GALNT17: variants seen among roughly 807,000 people sequenced by gnomAD.
GALNT17 encodes UDP-GalNAc:polypeptide N-acetylgalactosaminyltransferase-like 3.
A neutral mutation model predicts 63.7 loss-of-function variants in GALNT17; 29 were observed. The ratio of observed to expected loss-of-function variants is 0.46; its 90% CI spans 0.34 to 0.62. The LOEUF (loss-of-function observed/expected upper bound fraction) is 0.62, where lower values mean the gene tolerates loss of function less well. Ranked by LOEUF, GALNT17 falls within the 20% of genes least tolerant of loss-of-function variation. GALNT17 has a pLI of 0.01. For missense variants in GALNT17, 603 were observed against 799.6 expected (o/e 0.75, Z 2.97); for synonymous variants, 305 against 318.3 (o/e 0.96, Z 0.45).
At chr7:71,669,457 G>A (rs1033878305) in intron 7 of GALNT17, among the ~76,000 whole-genome samples, 5 of 151,876 alleles carry the variant, frequency 3.3e-5, no homozygotes, top group Admixed American at 1.3e-4. Context: ...GTTGCAGTGA[G>A]ATGAGATCGT....
intron 6 of GALNT17, among the ~76,000 whole-genome samples, chr7:71,619,177 C>T (rs967911019): frequency 5.3e-5 from 8 of 152,086 alleles, no homozygotes; most frequent in Admixed American, 5.2e-4. Context: ...TAGTACCAAG[C>T]TGGTTTGACT....
At chr7:71,189,258 C>G (rs1788907241) in intron 1 of GALNT17, among the ~76,000 whole-genome samples, 1 of 152,144 alleles carries the variant, frequency 6.6e-6, no homozygotes, top group Admixed American at 6.5e-5. Flanking sequence ...GTAAGATGTG[C>G]CTTTCACCTT....
chr7:71,335,572 C>G lies in GALNT17; in HGVS notation c.261C>G (p.Leu87=). Residue 87 remains leucine (L), a synonymous_variant, in exon 2 of 11, where the codon CTC becomes CTG. Transcript: ENST00000333538. ...TAGGCTTATCCAAATCCCTTGGGCT[C>G]ATTGAAGGTTATGGTGGGCGGGGTA... is the stretch of plus-strand genomic sequence containing the variant. The part of the protein sequence containing the change: ...QLNGLSKSLG[L]IEGYGGRGKG... The G allele has an allele frequency of 1.2e-6, 2 of 1,604,410 alleles. No individual in the cohort carries two copies. The highest frequency in any genetic ancestry group is 1.7e-6 in the Non-Finnish European group (2 of 1,176,400).
At chr7:71,430,390 C>T (rs991729937) in intron 5 of GALNT17, among the ~76,000 whole-genome samples, 1 of 152,164 alleles carries the variant, frequency 6.6e-6, no homozygotes, top group Non-Finnish European at 1.5e-5. Flanking sequence ...AACTGCTGAT[C>T]TGTACACTTC....
At chr7:71,610,747 A>C (rs1278087883) in intron 6 of GALNT17, among the ~76,000 whole-genome samples, 1 of 152,060 alleles carries the variant, frequency 6.6e-6, no homozygotes, top group African/African-American at 2.4e-5. Context: ...GCACTTTGGG[A>C]GGCTGAGGTG....
intron 1 of GALNT17, 129 bp from the exon 2 acceptor site, chr7:71,335,421 T>G (rs13240200): frequency 0.38 from 353,869 of 931,542 alleles, 70,761 homozygotes; most frequent in Non-Finnish European, 0.4. Context: ...CTGAGTTGGA[T>G]AAATTGAGGA....
intron 1 of GALNT17, among the ~76,000 whole-genome samples, chr7:71,268,589 A>AAATG (rs1491152268): frequency 6.6e-6 from 1 of 151,000 alleles, no homozygotes; most frequent in African/African-American, 2.4e-5. Flanking sequence ...ATAAATAAAT[A>AAATG]AATATTAAAA....
At chr7:71,445,115 A>T (rs777309717) in intron 5 of GALNT17, among the ~76,000 whole-genome samples, 3 of 151,524 alleles carry the variant, frequency 2.0e-5, no homozygotes, top group Non-Finnish European at 4.4e-5. Context: ...TCACCCAGTC[A>T]CATGGGATGG....
chr7:71,698,291 A>G lies in GALNT17; in HGVS notation c.1501-12470A>G, dbSNP rs1463677845. ...AACTTCTAAAGAATGTACTGTAGGA[A>G]AAAGGAAAATGACTGCAGAAGGATG... On this transcript the variant is annotated intron_variant, in intron 9 of 10. Coordinates refer to ENST00000333538, the MANE Select transcript of GALNT17 (RefSeq NM_022479.3). Among the ~76,000 whole-genome samples the G allele has an allele frequency of 2.6e-5, 4 of 152,272 alleles. No homozygotes were observed. The East Asian group carries it at 7.7e-4, about 29-fold the overall frequency.
At chr7:71,689,243 A>G (rs992813938) in intron 9 of GALNT17, among the ~76,000 whole-genome samples, 8 of 152,152 alleles carry the variant, frequency 5.3e-5, no homozygotes, top group African/African-American at 9.7e-5. Context: ...CAGCCCTATA[A>G]TGGCCTCTAA....
intron 5 of GALNT17, among the ~76,000 whole-genome samples, chr7:71,503,804 C>A (rs571200890): frequency 1.3e-5 from 2 of 152,152 alleles, no homozygotes; most frequent in South Asian, 2.1e-4. Context: ...TACATAAATA[C>A]GTTAATAAGG....
chr7:71,600,466 C>T (rs1018319967), intron 6 of GALNT17, among the ~76,000 whole-genome samples: 2 of 152,096 alleles, frequency 1.3e-5, no homozygotes, highest in Non-Finnish European at 2.9e-5. Context: ...TGACACCTAA[C>T]TGTAATCATT....
intron 1 of GALNT17, among the ~76,000 whole-genome samples, chr7:71,302,690 A>G (rs1238138296): frequency 6.6e-6 from 1 of 152,126 alleles, no homozygotes; most frequent in East Asian, 1.9e-4. Flanking sequence ...GGTCTTATTC[A>G]TTATTTTCAG....
intron 5 of GALNT17, among the ~76,000 whole-genome samples, chr7:71,526,136 A>G (rs1309786546): frequency 6.6e-6 from 1 of 152,184 alleles, no homozygotes; most frequent in Non-Finnish European, 1.5e-5. Flanking sequence ...TGCCAGCCAC[A>G]AGTTCTTTTT....
rs1460713529 is a variant in GALNT17 at position 71,712,187 on chromosome 7, T to C, written c.*41T>C. 6.3e-7 allele frequency: 1 copy of C among 1,594,796 alleles called. No individual in the cohort carries two copies. The highest frequency in any genetic ancestry group is 8.5e-7 in the Non-Finnish European group (1 of 1,170,272). On this transcript the variant is annotated 3_prime_UTR_variant, in exon 11 of 11. Coordinates refer to ENST00000333538, the MANE Select transcript of GALNT17 (RefSeq NM_022479.3). The stretch of plus-strand genomic sequence containing the variant: ...GCACTGGAGCCTGGCCCCCAGGACA[T>C]GGCTGCTCCCCCCAACATCTGGACC...
chr7:71,704,865 C>G lies in GALNT17; in HGVS notation c.1501-5896C>G, dbSNP rs1056245753. ...CCTTATACTATACAGAAAAAAAATT[C>G]AAAGGGCATCAAAGACCTAAATATA... On this transcript the variant is annotated intron_variant, in intron 9 of 10. Transcript: ENST00000333538. 5.9e-5 allele frequency among the ~76,000 whole-genome samples: 9 copies of G among 152,106 alleles called. No homozygotes were observed. In the East Asian group the frequency reaches 1.7e-3, roughly 29 times the overall value.
intron 1 of GALNT17, among the ~76,000 whole-genome samples, chr7:71,293,847 T>A (rs771047644): frequency 6.6e-6 from 1 of 152,200 alleles, no homozygotes; most frequent in African/African-American, 2.4e-5. Flanking sequence ...GAGGCACTTT[T>A]CTCTTTCTGC....
chr7:71,301,201 C>A (rs1372958183), intron 1 of GALNT17, among the ~76,000 whole-genome samples: 1 of 151,804 alleles, frequency 6.6e-6, no homozygotes, highest in Non-Finnish European at 1.5e-5. Context: ...GTGGGAGGAT[C>A]CCTTCAGCCG....
intron 1 of GALNT17, among the ~76,000 whole-genome samples, chr7:71,272,249 T>C (rs1790606833): frequency 6.6e-6 from 1 of 151,928 alleles, no homozygotes; most frequent in African/African-American, 2.4e-5. Context: ...TTGGGTTGTT[T>C]CCAGTTTGGG....
Sources: gnomAD v4.1 joint callset for allele counts (sites outside exome capture counted in the v4.1 genomes callset) on GRCh38, gnomAD v4.1.1 for gene constraint, MANE v1.5 for transcripts, NCBI Gene and HGNC (gene_info 2026-07-23, HGNC 2026-07-21) for gene names.